PCCB: variants seen among roughly 807,000 people sequenced by gnomAD.
The protein encoded by PCCB is propionyl-CoA carboxylase beta chain, mitochondrial.
A neutral mutation model predicts 60.7 loss-of-function variants in PCCB; 43 were observed. The ratio of observed to expected loss-of-function variants is 0.71; its 90% confidence interval spans 0.55 to 0.91. The LOEUF (loss-of-function observed/expected upper bound fraction) is 0.91. Among genes scored for constraint, PCCB ranks in the 40% least tolerant of loss-of-function variants. The pLI is 0.00. For synonymous variants in PCCB, 276 were observed against 255.9 expected, an observed-to-expected ratio of 1.08 and a Z score of -0.75; for missense variants, 766 against 702.8, an observed-to-expected ratio of 1.09 and a Z score of -1.02.
At chr3:136,329,127 A>G (rs1489315192) in intron 14 of PCCB, among the ~76,000 whole-genome samples, 1 of 152,176 alleles carries the variant, frequency 6.6e-6, no homozygotes, top group Admixed American at 6.5e-5. Context: ...AATTCACCCT[A>G]TAACTCAACA....
rs1483082276 is a variant in PCCB at position 136,329,908 on chromosome 3, T to C, written c.1502T>C (p.Phe501Ser). 1.2e-6 allele frequency: 2 copies of C among 1,614,028 alleles called. No homozygotes were observed. The highest frequency in any genetic ancestry group is 1.3e-5 in the African/African-American group (1 of 74,938). The change falls in exon 15 of 15, where the codon TTT becomes TCT. Residue 501 changes from phenylalanine to serine, a missense_variant. Phe to Ser is a radical substitution (Grantham distance 155). Transcript: ENST00000251654. Reference sequence around the variant, plus strand: ...TCCCTTTTCTGTGCTTCACCAGGGTTTGTGGATGACATCATCCAACCTTCT... The same window carrying C: ...TCCCTTTTCTGTGCTTCACCAGGGTCTGTGGATGACATCATCCAACCTTCT... Reference protein sequence around the residue: ...ANPFPAAVRGFVDDIIQPSST... With the variant: ...ANPFPAAVRGSVDDIIQPSST...
chr3:136,254,644 TG>T (rs1259228210), intron 1 of PCCB, among the ~76,000 whole-genome samples: 2 of 149,468 alleles, frequency 1.3e-5, no homozygotes, highest in Admixed American at 1.3e-4. Flanking sequence ...GTGATTCTCC[TG>T]CCTCAGCCTC....
At chr3:136,319,322 C>T (rs1244653243) in intron 10 of PCCB, among the ~76,000 whole-genome samples, 1 of 150,244 alleles carries the variant, frequency 6.7e-6, no homozygotes, top group Non-Finnish European at 1.5e-5. Context: ...ATTTGACTTA[C>T]AAGTATTTTC....
intron 1 of PCCB, chr3:136,251,390 A>G (rs1941511466): frequency 2.2e-6 from 1 of 451,388 alleles, no homozygotes; most frequent in African/African-American, 2.0e-5. Flanking sequence ...GGGAAGGTGC[A>G]GAAGTGAAAC....
At chr3:136,327,519 G>A in intron 12 of PCCB, 115 bp from the exon 13 acceptor site, 1 of 832,588 alleles carries the variant, frequency 1.2e-6, no homozygotes, top group Admixed American at 2.0e-5. Flanking sequence ...GCCTTCAGGA[G>A]CCCAGTAGGG....
chr3:136,299,966 G>A (rs569058247), intron 8 of PCCB, among the ~76,000 whole-genome samples: 1 of 151,648 alleles, frequency 6.6e-6, no homozygotes. Flanking sequence ...ATACATGTAT[G>A]CATGTATACA....
intron 3 of PCCB, 62 bp from the exon 4 acceptor site, chr3:136,260,417 A>G: frequency 2.9e-6 from 4 of 1,361,702 alleles, no homozygotes; most frequent in Non-Finnish European, 3.1e-6. Flanking sequence ...TCTTCCTCCC[A>G]CTGGGTTTTC....
chr3:136,325,393 C>T (rs945077861), intron 10 of PCCB, among the ~76,000 whole-genome samples: 2 of 107,108 alleles, frequency 1.9e-5, no homozygotes, highest in African/African-American at 2.6e-5. Context: ...GATGGAGTCT[C>T]ACTCTGTTGC....
At chr3:136,328,425 G>A (rs1935413721) in intron 13 of PCCB, among the ~76,000 whole-genome samples, 1 of 152,198 alleles carries the variant, frequency 6.6e-6, no homozygotes, top group Non-Finnish European at 1.5e-5. Flanking sequence ...ATTTAATAAT[G>A]GAAAACAGGG....
At chr3:136,326,241 A>G (rs963235095) in intron 10 of PCCB, 9 of 678,634 alleles carry the variant, frequency 1.3e-5, no homozygotes, top group Non-Finnish European at 2.4e-5. Context: ...TTGGGGTAAT[A>G]CTGGTCTCAT....
chr3:136,272,246 G>A (rs1560004779), intron 5 of PCCB, among the ~76,000 whole-genome samples: 1 of 152,104 alleles, frequency 6.6e-6, no homozygotes, highest in Non-Finnish European at 1.5e-5. Context: ...TTGATGTGCT[G>A]TGGGATTTGG....
chr3:136,293,775 T>C lies in PCCB; in HGVS notation c.674T>C (p.Ile225Thr). 6.2e-7 allele frequency: 1 copy of C among 1,612,280 alleles called. No individual in the cohort carries two copies. The highest frequency in any genetic ancestry group is 1.1e-5 in the South Asian group (1 of 91,056). Reference protein sequence around the residue: ...FMVKDTSYLFITGPDVVKSVT... With the variant: ...FMVKDTSYLFTTGPDVVKSVT... ...TTTCAGGACACCTCCTACCTGTTCATCACTGGCCCTGATGTTGTGAAGTCT... is the reference window on the plus strand; with the variant it reads ...TTTCAGGACACCTCCTACCTGTTCACCACTGGCCCTGATGTTGTGAAGTCT... The change falls in exon 7 of 15, where the codon ATC (isoleucine) becomes ACC (threonine). Residue 225 changes from isoleucine (I) to threonine (T), a missense_variant. By Grantham distance (89) the Ile-to-Thr change is moderately conservative. Transcript: ENST00000251654.
intron 5 of PCCB, among the ~76,000 whole-genome samples, chr3:136,274,368 C>T (rs1251523674): frequency 1.3e-5 from 2 of 152,112 alleles, no homozygotes; most frequent in African/African-American, 4.8e-5. Flanking sequence ...TTTATCTCTC[C>T]TTCATTTAGG....
At chr3:136,268,102 A>ATG (rs1184526963) in intron 5 of PCCB, among the ~76,000 whole-genome samples, 7 of 117,608 alleles carry the variant, frequency 6.0e-5, no homozygotes, top group African/African-American at 1.1e-4. Context: ...ATATATATAT[A>ATG]TATATATATA....
intron 1 of PCCB, 45 bp downstream of exon 1, chr3:136,250,603 G>C: frequency 6.4e-7 from 1 of 1,563,994 alleles, no homozygotes; most frequent in Non-Finnish European, 8.7e-7. Flanking sequence ...TGGCGTCCGC[G>C]ACCTATCACT....
At chr3:136,296,136 T>G (rs1318210768) in intron 7 of PCCB, among the ~76,000 whole-genome samples, 1 of 152,248 alleles carries the variant, frequency 6.6e-6, no homozygotes, top group African/African-American at 2.4e-5. Context: ...AAACACCTAT[T>G]TATAGTGTAC....
intron 1 of PCCB, among the ~76,000 whole-genome samples, chr3:136,251,571 C>T (rs1559992820): frequency 6.6e-6 from 1 of 152,156 alleles, no homozygotes; most frequent in Non-Finnish European, 1.5e-5. Context: ...TTCCTTTTGA[C>T]ACTTGAGAGT....
At chr3:136,286,022 A>G (rs1293219542) in intron 6 of PCCB, among the ~76,000 whole-genome samples, 1 of 152,238 alleles carries the variant, frequency 6.6e-6, no homozygotes, top group East Asian at 1.9e-4. Context: ...ATTCTATGAA[A>G]GTAGTGTAAT....
At chr3:136,291,372 T>A (rs1255592839) in intron 6 of PCCB, among the ~76,000 whole-genome samples, 1 of 152,214 alleles carries the variant, frequency 6.6e-6, no homozygotes, top group Non-Finnish European at 1.5e-5. Flanking sequence ...CTTCAAACTT[T>A]GTTTTTTGTC....
Sources: allele counts gnomAD v4.1 joint callset (sites outside exome capture counted in the v4.1 genomes callset), GRCh38; gene constraint gnomAD v4.1.1; transcripts MANE v1.5; gene names NCBI Gene and HGNC (gene_info 2026-07-23, HGNC 2026-07-21).